The following TFEC variants were observed in gnomAD, a reference collection of about 807,000 sequenced individuals.
TFEC encodes transcription factor EC.
A neutral mutation model predicts 41.6 loss-of-function variants in TFEC; 31 were observed. The ratio of observed to expected loss-of-function variants is 0.74; its 90% CI spans 0.56 to 1.01. The LOEUF is 1.01. Among genes scored for constraint, TFEC ranks in the 50% least tolerant of loss-of-function variants. The pLI, the probability that TFEC is intolerant of heterozygous loss-of-function variation, is 0.00. For missense variants in TFEC, 402 were observed against 404.1 expected (o/e 0.99, Z 0.04); for synonymous variants, 143 against 140.6 (o/e 1.02, Z -0.12).
chr7:115,936,412 T>C lies in TFEC; in HGVS notation c.*4139A>G, dbSNP rs1793230316. ...GTCTTTAAGAAACCCAGATGGTTGA[T>C]CTTGCGCTGATAACACAGTGAAATA... On this transcript the variant is annotated 3_prime_UTR_variant, in exon 8 of 8. Transcript: ENST00000265440. 6.6e-6 allele frequency: 1 copy of C among 151,616 alleles called. No homozygotes were observed. Among genetic ancestry groups the C allele is most frequent in the African/African-American group, 2.4e-5 (1 of 41,422 alleles). The allele number at this position is 151,616 out of a possible 1,614,324, so 9.4% of individuals were successfully genotyped here.
chr7:115,949,348 A>G (rs1791799367), intron 6 of TFEC, among the ~76,000 whole-genome samples: 1 of 152,018 alleles, frequency 6.6e-6, no homozygotes, highest in Non-Finnish European at 1.5e-5. Context: ...GGAAAAAACT[A>G]CTTTAAAGTT....
In TFEC at chr7:115,954,618, T is replaced by C. The variant is rs781009544; in HGVS notation, c.407A>G (p.Lys136Arg). The stretch of plus-strand genomic sequence containing the variant: ...GTGGTTGTCCTTTTTTTGTCTCTCT[T>C]TTGCTAAAGCTCTAGTGTCAGTTTC... ...ITETDTRALA[K>R]ERQKKDNHNL... Residue 136 changes from lysine to arginine, a missense_variant, in exon 5 of 8, where the codon AAA (lysine) becomes AGA (arginine). By Grantham distance (26) the Lys-to-Arg change is conservative. Coordinates refer to ENST00000265440, the MANE Select transcript of TFEC (RefSeq NM_012252.4). 89 of 1,611,858 alleles carry C rather than the reference T, an allele frequency of 5.5e-5. 2 individuals are homozygous for C. In the South Asian group the frequency reaches 9.1e-4, roughly 17 times the overall value.
In TFEC at chr7:115,937,145, G is replaced by A. The variant is rs1433454601; in HGVS notation, c.*3406C>T. The A allele has an allele frequency of 6.6e-6, 1 of 151,014 alleles. No individual in the cohort carries two copies. The highest frequency in any genetic ancestry group is 1.5e-5 in the Non-Finnish European group (1 of 67,506). 9.4% of individuals were successfully genotyped at this position (151,014 alleles called of 1,614,324 possible). On this transcript the variant is annotated 3_prime_UTR_variant, in exon 8 of 8. Coordinates refer to ENST00000265440, the MANE Select transcript of TFEC (RefSeq NM_012252.4). ...TTAATAATATAAAAAATGATTGGATGGGATATTTTGTTGAAAAAAGAATGA... is the reference window on the plus strand; with the variant it reads ...TTAATAATATAAAAAATGATTGGATAGGATATTTTGTTGAAAAAAGAATGA...
chr7:115,944,013 A>ATTTTTTTTTTTTTTTTTTT (rs1160114562), intron 6 of TFEC, among the ~76,000 whole-genome samples: 307 of 22,824 alleles, frequency 0.013, 78 homozygotes, highest in Non-Finnish European at 0.018. Context: ...ACAGGTCTGA[A>ATTTTTTTTTTTTTTTTTTT]TTTTTTTTTT....
At chr7:116,003,046 G>T (rs1488174543) in intron 1 of TFEC, among the ~76,000 whole-genome samples, 4 of 152,062 alleles carry the variant, frequency 2.6e-5, no homozygotes, top group African/African-American at 9.7e-5. Context: ...GTAACACATA[G>T]AATAGATATT....
At chr7:116,088,615 TTA>T (rs1258146827) in intron 3 of TFEC, among the ~76,000 whole-genome samples, 1 of 152,158 alleles carries the variant, frequency 6.6e-6, no homozygotes, top group Non-Finnish European at 1.5e-5. Flanking sequence ...TCATTATTTT[TTA>T]TGATTAAAAC....
intron 3 of TFEC, among the ~76,000 whole-genome samples, chr7:116,062,395 T>C (rs1796584727): frequency 1.3e-5 from 2 of 150,366 alleles, no homozygotes; most frequent in African/African-American, 4.9e-5. Context: ...ATTGTATCAT[T>C]CTTATGCCTT....
chr7:116,140,481 A>T (rs1798518221), intron 1 of TFEC, among the ~76,000 whole-genome samples: 1 of 152,238 alleles, frequency 6.6e-6, no homozygotes, highest in Non-Finnish European at 1.5e-5. Flanking sequence ...AGCCTAGTAG[A>T]TCCTCTCCAA....
chr7:115,975,039 T>C (rs2130610362), intron 2 of TFEC, among the ~76,000 whole-genome samples: 1 of 152,192 alleles, frequency 6.6e-6, no homozygotes. Flanking sequence ...TGTCCCAGAT[T>C]ATATAGTGAG....
chr7:116,133,772 T>C (rs1798380672), intron 1 of TFEC, among the ~76,000 whole-genome samples: 1 of 152,194 alleles, frequency 6.6e-6, no homozygotes, highest in East Asian at 1.9e-4. Flanking sequence ...TAACCTATGG[T>C]ACTGTAGTAA....
At chr7:116,046,506 G>A (rs183182981) in intron 3 of TFEC, among the ~76,000 whole-genome samples, 163 of 152,156 alleles carry the variant, frequency 1.1e-3, no homozygotes, top group Non-Finnish European at 1.1e-3. Context: ...ATGTGGAACC[G>A]TAAGTCCAAT....
chr7:116,088,735 T>C (rs190788205), intron 3 of TFEC, among the ~76,000 whole-genome samples: 115 of 152,210 alleles, frequency 7.6e-4, no homozygotes, highest in African/African-American at 2.5e-3. Context: ...ATTTGTTCCT[T>C]TTCATCTTAA....
At chr7:116,033,944 C>G (rs1283477885), upstream of TFEC, among the ~76,000 whole-genome samples, 1 of 152,152 alleles carries the variant, frequency 6.6e-6, no homozygotes, top group African/African-American at 2.4e-5. Context: ...TCCAGTAAGG[C>G]TTTGTGCTCC....
intron 3 of TFEC, among the ~76,000 whole-genome samples, chr7:115,962,678 C>G (rs1019618085): frequency 6.6e-6 from 1 of 151,822 alleles, no homozygotes; most frequent in Non-Finnish European, 1.5e-5. Context: ...ACACCACATA[C>G]AAAAATTAAC....
intron 3 of TFEC, among the ~76,000 whole-genome samples, chr7:115,961,369 G>A (rs1792538428): frequency 6.6e-6 from 1 of 151,280 alleles, no homozygotes; most frequent in Non-Finnish European, 1.5e-5. Context: ...ATACAACAGA[G>A]ATAAAACACA....
chr7:116,090,509 C>T (rs56081128), intron 3 of TFEC, among the ~76,000 whole-genome samples: 23,694 of 152,012 alleles, frequency 0.16, 2,001 homozygotes, highest in East Asian at 0.33. Flanking sequence ...AACCCGGACA[C>T]CCTCCACTGG....
At chr7:116,127,122 G>T (rs1562979232) in intron 1 of TFEC, among the ~76,000 whole-genome samples, 2 of 151,342 alleles carry the variant, frequency 1.3e-5, no homozygotes, top group Non-Finnish European at 2.9e-5. Flanking sequence ...TTTTGAGACG[G>T]AGTCTGCACT....
chr7:116,135,950 T>A (rs1033832266), intron 1 of TFEC, among the ~76,000 whole-genome samples: 1 of 152,138 alleles, frequency 6.6e-6, no homozygotes, highest in Non-Finnish European at 1.5e-5. Flanking sequence ...AATTAGCTTT[T>A]AGGGTTCTCT....
At chr7:116,088,584 A>C (rs554807908) in intron 3 of TFEC, among the ~76,000 whole-genome samples, 124 of 152,208 alleles carry the variant, frequency 8.1e-4, no homozygotes, top group Non-Finnish European at 1.5e-3. Context: ...CTAGCAGATA[A>C]GAAGGTTTTT....
Sources: gnomAD v4.1 joint callset for allele counts (sites outside exome capture counted in the v4.1 genomes callset) on GRCh38, gnomAD v4.1.1 for gene constraint, MANE v1.5 for transcripts, NCBI Gene and HGNC (gene_info 2026-07-23, HGNC 2026-07-21) for gene names.